Variants in FLNA observed in about 807,000 individuals in gnomAD.
FLNA encodes the protein filamin-A.
Under a neutral mutation model 157.6 loss-of-function variants are expected in FLNA, and 7 were observed. The ratio of observed to expected loss-of-function variants is 0.04; its 90% confidence interval spans 0.03 to 0.08. The LOEUF (loss-of-function observed/expected upper bound fraction) is 0.08, where lower values mean the gene tolerates loss of function less well. FLNA is among the 10% of genes least tolerant of loss of function. The probability of loss-of-function intolerance (pLI) is 1.00; values close to 1 mark genes in which losing one functional copy is unlikely to be tolerated. For synonymous variants in FLNA, 1,103 were observed against 1,060.8 expected (o/e 1.04, Z -0.77); for missense variants, 1,750 against 2,398.4 (o/e 0.73, Z 5.65).
At chrX:154,370,563 A>T (rs1391093953) in intron 2 of FLNA, among the ~76,000 whole-genome samples, 2 of 107,723 alleles carry the variant, frequency 1.9e-5, no homozygotes, top group Non-Finnish European at 3.9e-5. Flanking sequence ...CCAGTGCCCG[A>T]CCCCCCAGGC....
chrX:154,352,418 C>G lies in FLNA; in HGVS notation c.6532G>C (p.Val2178Leu), dbSNP rs1569551461. 10 of 1,212,046 alleles carry G rather than the reference C, an allele frequency of 8.3e-6. No homozygotes were observed. The highest frequency in any genetic ancestry group is 1.1e-5 in the Non-Finnish European group (10 of 895,628). Residue 2178 changes from valine to leucine, a missense_variant, in exon 41 of 48, where the codon GTG (valine) becomes CTG (leucine). This residue lies in a region of FLNA where 970 missense variants were observed against 1,302.6 expected (regional missense o/e 0.74). Transcript: ENST00000369850. The stretch of plus-strand genomic sequence containing the variant: ...TGGGTCTTGCCCGATGGGCTGGTCA[C>G]CTGGGCTGTCATATCCTGGATGCTA... The part of the protein sequence containing the change: ...EISIQDMTAQ[V>L]TSPSGKTHEA...
In FLNA at chrX:154,350,212, G is replaced by A; in HGVS notation, c.7157-5C>T. 8.3e-7 allele frequency: 1 copy of A among 1,210,310 alleles called. No individual in the cohort carries two copies. Among genetic ancestry groups the A allele is most frequent in the Non-Finnish European group, 1.1e-6 (1 of 894,231 alleles). ...TGAAGCGCACAGCATACTTATCTGA[G>A]GAGCAGGGAGTCATGCTGTGGGCCT... On this transcript the variant is annotated splice_polypyrimidine_tract_variant and splice_region_variant and intron_variant, in intron 44 of 47. Coordinates refer to ENST00000369850, the MANE Select transcript of FLNA (RefSeq NM_001110556.2).
chrX:154,365,162 C>A lies in FLNA; in HGVS notation c.1665G>T (p.Thr555=), dbSNP rs782376419. The A allele has an allele frequency of 8.3e-7, 1 of 1,210,163 alleles. No individual in the cohort carries two copies. Among genetic ancestry groups the A allele is most frequent in the African/African-American group, 1.7e-5 (1 of 57,441 alleles). ...MVPGTYIVTI[T]WGGQNIGRSP... Reference sequence around the variant, plus strand: ...TGCGCCCGATGTTCTGACCACCCCACGTGATGGTGACGATATAGGTTCCAG... The same window carrying A: ...TGCGCCCGATGTTCTGACCACCCCAAGTGATGGTGACGATATAGGTTCCAG... The change falls in exon 11 of 48, where the codon ACG becomes ACT. Residue 555 remains threonine, a synonymous_variant. Transcript: ENST00000369850.
chrX:154,366,507 G>T, intron 7 of FLNA, 37 bp from the exon 8 acceptor site: 1 of 1,209,189 alleles, frequency 8.3e-7, no homozygotes, highest in East Asian at 3.0e-5. Flanking sequence ...GGTAGGGCTG[G>T]GGGCCTCCAG....
Position 154,354,036 on chromosome X carries a change from G to C in FLNA, c.5565C>G (p.Pro1855=). 8.3e-7 allele frequency: 1 copy of C among 1,211,999 alleles called. No individual in the cohort carries two copies. Among genetic ancestry groups the C allele is most frequent in the Non-Finnish European group, 1.1e-6 (1 of 895,528 alleles). ...TGACGTAATCCACATAGAACTGCAA[G>C]GGGCTTCCTGAGGCAGGAAGAAGGG... ...RYDNMHIPGS[P]LQFYVDYVNC... The change falls in exon 35 of 48, where the codon CCC becomes CCG. Residue 1855 remains proline (P), a synonymous_variant. Coordinates refer to ENST00000369850, the MANE Select transcript of FLNA (RefSeq NM_001110556.2).
At position 154,354,904 on chromosome X, in the gene FLNA, G is replaced by A. The variant is rs782555986; in HGVS notation, c.5138C>T (p.Thr1713Met). The A allele has an allele frequency of 7.7e-5, 93 of 1,210,970 alleles. No individual in the cohort carries two copies. The highest frequency in any genetic ancestry group is 9.5e-5 in the Non-Finnish European group (85 of 895,308). The change falls in exon 31 of 48, where the codon ACG becomes ATG. Residue 1713 changes from threonine to methionine, a missense_variant. Physicochemically the swap from Thr to Met is moderately conservative, Grantham distance 81 (BLOSUM62 -1). Around this residue, in one of 5 missense-constraint regions of FLNA, gnomAD observed 970 missense variants for 1,302.6 expected, o/e 0.74. Transcript: ENST00000369850. ...NEDGTFDIFY[T>M]APQPGKYVIC... Reference sequence around the variant, plus strand: ...GACGTATTTGCCCGGCTGGGGGGCCGTGTAGAAGATGTCGAAAGTGCCGTC... The same window carrying A: ...GACGTATTTGCCCGGCTGGGGGGCCATGTAGAAGATGTCGAAAGTGCCGTC...
chrX:154,365,811 G>A (rs2067754114), intron 9 of FLNA, among the ~76,000 whole-genome samples: 1 of 111,945 alleles, frequency 8.9e-6, no homozygotes, highest in Non-Finnish European at 1.9e-5. Context: ...TCTTCCGAAG[G>A]TGAAAGCGTG....
rs372706944 is a variant in FLNA at position 154,366,168 on chromosome X, T to A, written c.1285A>T (p.Thr429Ser). 8.3e-7 allele frequency: 1 copy of A among 1,209,457 alleles called. No individual in the cohort carries two copies. The highest frequency in any genetic ancestry group is 1.7e-5 in the African/African-American group (1 of 57,414). Reference protein sequence around the residue: ...VIQDPMGQKGTVEPQLEARGD... With the variant: ...VIQDPMGQKGSVEPQLEARGD... ...CGGGCCTCCAGCTGAGGCTCTACCGTGCCCTTCTGTCCCATGGGGTCCTGG... is the reference window on the plus strand; with the variant it reads ...CGGGCCTCCAGCTGAGGCTCTACCGAGCCCTTCTGTCCCATGGGGTCCTGG... Residue 429 changes from threonine (T) to serine (S), a missense_variant, in exon 9 of 48, where the codon ACG (threonine) becomes TCG (serine). Physicochemically the swap from Thr to Ser is moderately conservative, Grantham distance 58. This residue lies in a region of FLNA where 648 missense variants were observed against 805.8 expected (regional missense o/e 0.80). Coordinates refer to ENST00000369850, the MANE Select transcript of FLNA (RefSeq NM_001110556.2).
rs782245290 is a variant in FLNA, at chrX:154,351,747, C to A, written c.6908-51G>T. On this transcript the variant is annotated intron_variant, in intron 42 of 47. Transcript: ENST00000369850. ...GGCTCATCAGCCTTTGGGCCTCCCA[C>A]CTCCCACGAACAGCCTGGGTGGCCC... The A allele has an allele frequency of 2.7e-6, 3 of 1,114,228 alleles. No homozygotes were observed. In the South Asian group the frequency reaches 5.5e-5, roughly 21 times the overall value. 91.8% of individuals were successfully genotyped at this position (1,114,228 alleles called of 1,213,427 possible).
In FLNA at chrX:154,364,879, G is replaced by A. The variant is rs782619869; in HGVS notation, c.1770C>T (p.Val590=). 3 of 1,211,516 alleles carry A rather than the reference G, an allele frequency of 2.5e-6. No individual in the cohort carries two copies. The highest frequency in any genetic ancestry group is 3.0e-5 in the East Asian group (1 of 33,844). The part of the protein sequence containing the change: ...RAWGPGLEGG[V]VGKSADFVVE... ...CCACAAAGTCTGCTGACTTGCCAACGACGCCGCCCTCCAGCCCAGGGCCCC... is the reference window on the plus strand; with the variant it reads ...CCACAAAGTCTGCTGACTTGCCAACAACGCCGCCCTCCAGCCCAGGGCCCC... The change falls in exon 12 of 48, where the codon GTC becomes GTT. Residue 590 remains valine, a synonymous_variant. Coordinates refer to ENST00000369850, the MANE Select transcript of FLNA (RefSeq NM_001110556.2).
chrX:154,352,222 G>C lies in FLNA; in HGVS notation c.6728C>G (p.Ala2243Gly), dbSNP rs953454766. The change falls in exon 41 of 48, where the codon GCT becomes GGT. Residue 2243 changes from alanine to glycine, a missense_variant. Physicochemically the swap from Ala to Gly is moderately conservative, Grantham distance 60. Around this residue, in one of 5 missense-constraint regions of FLNA, gnomAD observed 970 missense variants for 1,302.6 expected, o/e 0.74. Coordinates refer to ENST00000369850, the MANE Select transcript of FLNA (RefSeq NM_001110556.2). The part of the protein sequence containing the change: ...LGEGGAHKVR[A>G]GGPGLERAEA... ...AGCTCTCTCCAGGCCAGGGCCCCCAGCTCGGACCTTGTGGGCTCCCCCTTC... is the reference window on the plus strand; with the variant it reads ...AGCTCTCTCCAGGCCAGGGCCCCCACCTCGGACCTTGTGGGCTCCCCCTTC... 2.4e-5 allele frequency: 29 copies of C among 1,209,939 alleles called. No individual in the cohort carries two copies. The highest frequency in any genetic ancestry group is 2.4e-4 in the Middle Eastern group (1 of 4,192).
Position 154,371,187 on chromosome X carries a change from C to G in FLNA, c.59G>C (p.Gly20Ala), listed in dbSNP as rs1557180246. 8.4e-7 allele frequency: 1 copy of G among 1,193,541 alleles called. No homozygotes were observed. The highest frequency in any genetic ancestry group is 1.1e-6 in the Non-Finnish European group (1 of 887,195). Reference protein sequence around the residue: ...QSAAGAAPGGGVDTRDAEMPA... With the variant: ...QSAAGAAPGGAVDTRDAEMPA... ...CATCTCGGCGTCCCGCGTGTCGACG[C>G]CGCCGCCCGGAGCCGCGCCTGCTGC... The change falls in exon 2 of 48, where the codon GGC becomes GCC. Residue 20 changes from glycine to alanine, a missense_variant. Transcript: ENST00000369850.
intron 30 of FLNA, 25 bp from the exon 31 acceptor site, chrX:154,355,097 A>C (rs2067652722): frequency 8.4e-7 from 1 of 1,190,195 alleles, no homozygotes; most frequent in South Asian, 1.8e-5. Context: ...TGGGTCCCCA[A>C]AGGGGGGCCA....
intron 8 of FLNA, 26 bp downstream of exon 8, chrX:154,366,282 G>C (rs1557179253): frequency 8.3e-7 from 1 of 1,209,941 alleles, no homozygotes; most frequent in African/African-American, 1.7e-5. Context: ...CCACAGACCA[G>C]CTGGGCCTTG....
At chrX:154,355,141 G>A (rs942954626) in intron 30 of FLNA, 69 bp from the exon 31 acceptor site, 71 of 1,107,810 alleles carry the variant, frequency 6.4e-5, no homozygotes, top group South Asian at 2.3e-4. Context: ...GTTCCCGTCC[G>A]CCTGCCGCCC....
chrX:154,374,243 AC>A (rs374057654), intron 1 of FLNA, among the ~76,000 whole-genome samples: 1 of 110,709 alleles, frequency 9.0e-6, no homozygotes, highest in African/African-American at 3.3e-5. Flanking sequence ...TCTCTCGGGG[AC>A]CCCCCATGGC....
At chrX:154,366,248 T>A (rs1557179245) in intron 8 of FLNA, 24 bp from the exon 9 acceptor site, 2 of 1,210,427 alleles carry the variant, frequency 1.7e-6, no homozygotes, top group Non-Finnish European at 1.1e-6. Context: ...CCTGCTCAGC[T>A]CCCAGGCCCC....
Position 154,348,717 on chromosome X carries a change from G to A in FLNA, c.*132C>T. The A allele has an allele frequency of 1.7e-6, 1 of 582,480 alleles. No individual in the cohort carries two copies. The highest frequency in any genetic ancestry group is 3.0e-5 in the South Asian group (1 of 33,662). 48.0% of individuals were successfully genotyped at this position (582,480 alleles called of 1,213,427 possible). On this transcript the variant is annotated 3_prime_UTR_variant, in exon 48 of 48. Transcript: ENST00000369850. ...TGGGGAGGCAGGTGAGCGCAGCACG[G>A]CACAGGGCAGGGGCGGCTGCAGTGA...
rs1485275737 is a variant in FLNA at position 154,367,126 on chromosome X, G to A, written c.868+271C>T. Among the ~76,000 whole-genome samples the A allele has an allele frequency of 2.7e-5, 3 of 112,044 alleles. No individual in the cohort carries two copies. The Admixed American group carries it at 2.8e-4, about 11-fold the overall frequency. ...CTGGGTTTTAGGTCCCTGTTACTGA[G>A]ACCTGGTTCATCTCCATTTATAATA... is the stretch of plus-strand genomic sequence containing the variant. On this transcript the variant is annotated intron_variant, in intron 5 of 47. Transcript: ENST00000369850.
Sources: allele counts gnomAD v4.1 joint callset (sites outside exome capture counted in the v4.1 genomes callset), GRCh38; gene constraint gnomAD v4.1.1; regional missense constraint gnomAD v4.1.1; transcripts MANE v1.5; gene names NCBI Gene and HGNC (gene_info 2026-07-23, HGNC 2026-07-21).